Variants in NAALADL2 observed in about 807,000 individuals in gnomAD.
NAALADL2 encodes inactive N-acetylated-alpha-linked acidic dipeptidase-like protein 2.
A neutral mutation model predicts 87.2 loss-of-function variants in NAALADL2; 76 were observed. The observed-to-expected ratio is 0.87, with a 90% CI of 0.72 to 1.05. The LOEUF is 1.05. NAALADL2 is among the 50% of genes least tolerant of loss of function. The pLI, the probability that NAALADL2 is intolerant of heterozygous loss-of-function variation, is 0.00. For synonymous variants in NAALADL2, 354 were observed against 331.0 expected (o/e 1.07, Z -0.75); for missense variants, 1,089 against 945.8 (o/e 1.15, Z -1.99).
chr3:174,808,853 G>GGTGTAT lies in NAALADL2; in HGVS notation c.-9+71130_-9+71135dup, dbSNP rs59689653. On this transcript the variant is annotated intron_variant, in intron 3 of 3. Coordinates refer to the NAALADL2 transcript ENST00000434257. ...ATGCATGTGTGTGTTGGTGGTGCCT[G>GGTGTAT]GTGTATGTGTATGTGTATGTGTATG... Among the ~76,000 whole-genome samples, 459 of 151,408 alleles carry GGTGTAT rather than the reference G, an allele frequency of 3.0e-3. 5 individuals carry two copies. The highest frequency in any genetic ancestry group is 9.9e-3 in the Admixed American group (150 of 15,184).
chr3:174,784,394 A>G (rs1329193800), intron 3 of NAALADL2, among the ~76,000 whole-genome samples: 1 of 152,158 alleles, frequency 6.6e-6, no homozygotes, highest in Admixed American at 6.6e-5. Flanking sequence ...GAAGAGCCTA[A>G]ATCTGCCTTA....
chr3:175,171,090 T>A (rs1490890060), intron 2 of NAALADL2, among the ~76,000 whole-genome samples: 1 of 151,994 alleles, frequency 6.6e-6, no homozygotes, highest in African/African-American at 2.4e-5. Context: ...AAAATAGTTG[T>A]TTTATTTCTT....
intron 9 of NAALADL2, among the ~76,000 whole-genome samples, chr3:175,535,090 C>G (rs1402849279): frequency 6.6e-6 from 1 of 152,002 alleles, no homozygotes; most frequent in Non-Finnish European, 1.5e-5. Context: ...CCTAGAATGA[C>G]TGAGTAGGTA....
intron 3 of NAALADL2, among the ~76,000 whole-genome samples, chr3:174,849,683 T>A (rs1222565399): frequency 7.4e-6 from 1 of 135,848 alleles, no homozygotes; most frequent in African/African-American, 2.8e-5. Flanking sequence ...TGCAATGAGC[T>A]GAGATCGCGC....
At chr3:175,741,694 T>G (rs1318142071) in intron 12 of NAALADL2, among the ~76,000 whole-genome samples, 1 of 152,084 alleles carries the variant, frequency 6.6e-6, no homozygotes. Context: ...TAATTCAGCA[T>G]AATTTTTGAT....
At chr3:175,758,031 T>G (rs1030434810) in intron 13 of NAALADL2, among the ~76,000 whole-genome samples, 2 of 152,076 alleles carry the variant, frequency 1.3e-5, no homozygotes, top group Admixed American at 1.3e-4. Flanking sequence ...GGAAGACCCC[T>G]CTATGGTCTA....
At chr3:174,451,995 A>G (rs1715524598) in intron 1 of NAALADL2, among the ~76,000 whole-genome samples, 1 of 148,584 alleles carries the variant, frequency 6.7e-6, no homozygotes, top group Non-Finnish European at 1.5e-5. Context: ...AGTGTGTGCC[A>G]CCATGCCTGG....
At chr3:175,393,051 G>A (rs540898133) in intron 5 of NAALADL2, among the ~76,000 whole-genome samples, 198 of 151,980 alleles carry the variant, frequency 1.3e-3, no homozygotes, top group Non-Finnish European at 2.5e-3. Context: ...GAGGCGGGTG[G>A]ATCATGAGGT....
chr3:175,013,301 A>ATATATATTTTTTTTTTTTT (rs1553916905), intron 1 of NAALADL2, among the ~76,000 whole-genome samples: 9 of 72,062 alleles, frequency 1.2e-4, no homozygotes, highest in Non-Finnish European at 1.9e-4. Context: ...ATATATATAT[A>ATATATATTTTTTTTTTTTT]TTTTTTTTTT....
chr3:175,350,450 T>C (rs945634677), intron 5 of NAALADL2, among the ~76,000 whole-genome samples: 1 of 152,158 alleles, frequency 6.6e-6, no homozygotes, highest in Admixed American at 6.6e-5. Context: ...AGAATGCACA[T>C]GGGCCTCTGA....
At chr3:174,896,218 A>T (rs942177085) in intron 1 of NAALADL2, among the ~76,000 whole-genome samples, 3 of 152,054 alleles carry the variant, frequency 2.0e-5, no homozygotes, top group African/African-American at 7.2e-5. Context: ...GGACATCCAC[A>T]CTGAAAAAGA....
At chr3:175,162,724 T>C (rs1733412852) in intron 2 of NAALADL2, among the ~76,000 whole-genome samples, 1 of 152,174 alleles carries the variant, frequency 6.6e-6, no homozygotes, top group Non-Finnish European at 1.5e-5. Flanking sequence ...AAAGGAAATT[T>C]TGTCAAAGTA....
rs545842181 is a variant in NAALADL2, at chr3:175,524,786, G to A, written c.1654-51255G>A. Among the ~76,000 whole-genome samples the A allele has an allele frequency of 2.0e-5, 3 of 152,234 alleles. No individual in the cohort carries two copies. The South Asian group carries it at 6.2e-4, about 32-fold the overall frequency. On this transcript the variant is annotated intron_variant, in intron 9 of 13. Coordinates refer to ENST00000454872, the MANE Select transcript of NAALADL2 (RefSeq NM_207015.3). ...TCTCAATAAGTTAACAAGAGAGATAGCTTGTTAACAAGTGAGACATCTTGT... is the reference window on the plus strand; with the variant it reads ...TCTCAATAAGTTAACAAGAGAGATAACTTGTTAACAAGTGAGACATCTTGT...
At chr3:175,133,631 C>T (rs1047238831) in intron 2 of NAALADL2, among the ~76,000 whole-genome samples, 96 of 152,156 alleles carry the variant, frequency 6.3e-4, no homozygotes, top group African/African-American at 1.9e-3. Context: ...CTGAGGCAGG[C>T]GAATCAGGCA....
chr3:174,908,902 A>G (rs1733322844), intron 1 of NAALADL2, among the ~76,000 whole-genome samples: 1 of 152,046 alleles, frequency 6.6e-6, no homozygotes, highest in African/African-American at 2.4e-5. Flanking sequence ...AATCCGAAAG[A>G]GGGATGGCTA....
intron 5 of NAALADL2, among the ~76,000 whole-genome samples, chr3:175,334,145 A>AG (rs2110519066): frequency 6.6e-6 from 1 of 152,174 alleles, no homozygotes; most frequent in Admixed American, 6.5e-5. Context: ...TCCTTTTCGT[A>AG]GAAAAAGATA....
chr3:174,715,791 G>C (rs1731130119), intron 2 of NAALADL2, among the ~76,000 whole-genome samples: 1 of 152,106 alleles, frequency 6.6e-6, no homozygotes, highest in African/African-American at 2.4e-5. Context: ...TTGTATCTGG[G>C]ATAGAGGGGT....
chr3:175,674,029 A>G (rs1409402292), intron 11 of NAALADL2, among the ~76,000 whole-genome samples: 1 of 152,110 alleles, frequency 6.6e-6, no homozygotes, highest in African/African-American at 2.4e-5. Flanking sequence ...AAATCCTGAA[A>G]AAATGGAGAT....
chr3:175,591,450 T>C (rs1015566542), intron 10 of NAALADL2, among the ~76,000 whole-genome samples: 1 of 152,214 alleles, frequency 6.6e-6, no homozygotes, highest in African/African-American at 2.4e-5. Flanking sequence ...AAATAATTTT[T>C]TTTTTATTTC....
Sources: allele counts gnomAD v4.1 joint callset (sites outside exome capture counted in the v4.1 genomes callset), GRCh38; gene constraint gnomAD v4.1.1; transcripts MANE v1.5; gene names NCBI Gene and HGNC (gene_info 2026-07-23, HGNC 2026-07-21).